The following GPC6 variants were observed in gnomAD, a reference collection of about 807,000 sequenced individuals.
GPC6 encodes glypican 6, also known as glypican-6.
A neutral mutation model predicts 55.2 loss-of-function variants in GPC6; 14 were observed. The ratio of observed to expected loss-of-function variants is 0.25; its 90% CI spans 0.17 to 0.40. The LOEUF (loss-of-function observed/expected upper bound fraction) is 0.40. GPC6 is among the 10% of genes least tolerant of loss of function. The pLI is 1.00. For missense variants in GPC6, 641 were observed against 708.5 expected (o/e 0.90, Z 1.08); for synonymous variants, 278 against 259.6 (o/e 1.07, Z -0.68).
chr13:93,364,444 A>G (rs536427999), intron 1 of GPC6, among the ~76,000 whole-genome samples: 1 of 152,030 alleles, frequency 6.6e-6, no homozygotes, highest in Non-Finnish European at 1.5e-5. Flanking sequence ...TTCACCTTTC[A>G]TGAAGGAACT....
At chr13:93,280,881 A>G (rs1238075229) in intron 1 of GPC6, among the ~76,000 whole-genome samples, 1 of 152,302 alleles carries the variant, frequency 6.6e-6, no homozygotes, top group East Asian at 1.9e-4. Flanking sequence ...TGCCCGGTTC[A>G]CAACAGGGTT....
chr13:94,001,181 C>G (rs2140424793), intron 3 of GPC6, among the ~76,000 whole-genome samples: 1 of 152,252 alleles, frequency 6.6e-6, no homozygotes, highest in East Asian at 1.9e-4. Flanking sequence ...CTCTCTAAGC[C>G]TCAGTTTCCT....
chr13:93,899,214 C>T (rs563825041), intron 3 of GPC6, among the ~76,000 whole-genome samples: 17 of 151,942 alleles, frequency 1.1e-4, no homozygotes, highest in Admixed American at 3.3e-4. Context: ...GTGTTTAGTG[C>T]TGTGCAAAAA....
intron 4 of GPC6, among the ~76,000 whole-genome samples, chr13:94,227,446 G>C (rs1000524957): frequency 6.6e-6 from 1 of 152,146 alleles, no homozygotes; most frequent in Admixed American, 6.5e-5. Flanking sequence ...CTGAAGTTCA[G>C]GTCACACTCT....
chr13:93,254,836 A>T lies in GPC6; in HGVS notation c.160+27220A>T, dbSNP rs140454604. Among the ~76,000 whole-genome samples, 716 of 152,350 alleles carry T rather than the reference A, an allele frequency of 4.7e-3. 7 individuals are homozygous for T. The highest frequency in any genetic ancestry group is 0.016 in the African/African-American group (679 of 41,576). On this transcript the variant is annotated intron_variant, in intron 1 of 8. Transcript: ENST00000377047. Reference sequence around the variant, plus strand: ...TCTTAAAAGTAGCAGCTGTAAAAAAAGCAGGAAGGCAGACCACACTAATCT... The same window carrying T: ...TCTTAAAAGTAGCAGCTGTAAAAAATGCAGGAAGGCAGACCACACTAATCT...
chr13:93,913,672 T>C (rs1158493993), intron 3 of GPC6, among the ~76,000 whole-genome samples: 1 of 152,212 alleles, frequency 6.6e-6, no homozygotes, highest in Non-Finnish European at 1.5e-5. Context: ...TTTTTTTCTT[T>C]CCTCTGTTTT....
chr13:93,987,197 A>G (rs1309041966), intron 3 of GPC6, among the ~76,000 whole-genome samples: 2 of 152,206 alleles, frequency 1.3e-5, no homozygotes, highest in African/African-American at 4.8e-5. Flanking sequence ...ACATAAGAAT[A>G]TTTCTATTTT....
chr13:93,733,834 A>G lies in GPC6; in HGVS notation c.320-96320A>G, dbSNP rs1883908219. Among the ~76,000 whole-genome samples the G allele has an allele frequency of 2.6e-5, 4 of 152,170 alleles. No homozygotes were observed. In the South Asian group the frequency reaches 8.3e-4, roughly 32 times the overall value. On this transcript the variant is annotated intron_variant, in intron 2 of 8. Transcript: ENST00000377047. The stretch of plus-strand genomic sequence containing the variant: ...GAGGTAGCTGAGATAGAGAAAAGGA[A>G]TGGTTGACGAAGAGGCAGGTTCACT...
intron 2 of GPC6, among the ~76,000 whole-genome samples, chr13:93,790,659 G>T (rs970241733): frequency 6.6e-6 from 1 of 152,082 alleles, no homozygotes; most frequent in Non-Finnish European, 1.5e-5. Context: ...GTATCCTCAA[G>T]ATACTATTCT....
At chr13:94,180,319 C>A (rs1888945276) in intron 4 of GPC6, among the ~76,000 whole-genome samples, 1 of 152,120 alleles carries the variant, frequency 6.6e-6, no homozygotes, top group African/African-American at 2.4e-5. Flanking sequence ...TGGTTTGAGG[C>A]CTTACCACAT....
At chr13:94,090,021 A>G (rs1885424453) in intron 4 of GPC6, among the ~76,000 whole-genome samples, 1 of 152,118 alleles carries the variant, frequency 6.6e-6, no homozygotes, top group Non-Finnish European at 1.5e-5. Flanking sequence ...AATGTAAGCT[A>G]TATGTGTTAG....
intron 4 of GPC6, among the ~76,000 whole-genome samples, chr13:94,175,430 T>C (rs137972206): frequency 1.3e-5 from 2 of 152,320 alleles, no homozygotes; most frequent in Non-Finnish European, 1.5e-5. Context: ...GTGTTCGTTG[T>C]AGGAATACAT....
At chr13:94,223,585 T>C (rs766190716) in intron 4 of GPC6, among the ~76,000 whole-genome samples, 7 of 152,126 alleles carry the variant, frequency 4.6e-5, no homozygotes, top group Admixed American at 1.3e-4. Context: ...CCTGCGTAGC[T>C]CCATGAGGAT....
intron 2 of GPC6, 108 bp from the exon 3 acceptor site, chr13:93,830,045 AT>A (rs1887423356): frequency 1.4e-6 from 1 of 712,770 alleles, no homozygotes; most frequent in African/African-American, 1.8e-5. Context: ...ATCACAGGAT[AT>A]GTTTTTCCAT....
chr13:94,205,348 G>T (rs1475270463), intron 4 of GPC6, among the ~76,000 whole-genome samples: 1 of 152,164 alleles, frequency 6.6e-6, no homozygotes, highest in Non-Finnish European at 1.5e-5. Context: ...ATCTCAAATG[G>T]TCATTACGTT....
intron 4 of GPC6, among the ~76,000 whole-genome samples, chr13:94,092,928 TG>T (rs1293906063): frequency 1.3e-5 from 2 of 152,172 alleles, no homozygotes; most frequent in African/African-American, 4.8e-5. Context: ...TGTCTTCTTT[TG>T]AGAAATGTCC....
chr13:94,279,404 C>G lies in GPC6; in HGVS notation c.878-6945C>G, dbSNP rs189233624. Among the ~76,000 whole-genome samples, 82 of 148,632 alleles carry G rather than the reference C, an allele frequency of 5.5e-4. 1 individual carries two copies. The East Asian group carries it at 0.012, about 22-fold the overall frequency. ...AAAAAAAAAAAACAGCTCCTGGATT[C>G]GTTGATTTGTTGGAAGGATTTTTGT... On this transcript the variant is annotated intron_variant, in intron 4 of 8. Transcript: ENST00000377047.
rs76628054 is a variant in GPC6 at position 94,270,325 on chromosome 13, A to G, written c.878-16024A>G. Among the ~76,000 whole-genome samples the G allele has an allele frequency of 0.019, 2,895 of 152,346 alleles. 119 individuals carry two copies. The East Asian group carries it at 0.2, about 11-fold the overall frequency. On this transcript the variant is annotated intron_variant, in intron 4 of 8. Coordinates refer to ENST00000377047, the MANE Select transcript of GPC6 (RefSeq NM_005708.5). ...TATAATAGTGCAAAATCAGGTAAGAATCTAAAAAGCCAACAATAAGACAAT... is the reference window on the plus strand; with the variant it reads ...TATAATAGTGCAAAATCAGGTAAGAGTCTAAAAAGCCAACAATAAGACAAT...
At chr13:93,538,084 A>ACACC (rs1412302827) in intron 1 of GPC6, among the ~76,000 whole-genome samples, 1 of 152,124 alleles carries the variant, frequency 6.6e-6, no homozygotes, top group Non-Finnish European at 1.5e-5. Context: ...AGTTTAAGGA[A>ACACC]CACCCAGCCC....
Sources: gnomAD v4.1 joint callset for allele counts (sites outside exome capture counted in the v4.1 genomes callset) on GRCh38, gnomAD v4.1.1 for gene constraint, MANE v1.5 for transcripts, NCBI Gene and HGNC (gene_info 2026-07-23, HGNC 2026-07-21) for gene names.